Variants in TSPAN8 observed in about 807,000 individuals in gnomAD.
The protein encoded by TSPAN8 is tetraspanin-8.
In TSPAN8, 21 loss-of-function variants were observed where a neutral mutation model predicts 32.8. The observed-to-expected ratio is 0.64, with a 90% CI of 0.45 to 0.92. The LOEUF is 0.92. TSPAN8 is among the 40% of genes least tolerant of loss of function. The pLI, the probability that TSPAN8 is intolerant of heterozygous loss-of-function variation, is 0.00. For synonymous variants in TSPAN8, 95 were observed against 94.6 expected, an observed-to-expected ratio of 1.00 and a Z score of -0.03; for missense variants, 269 against 281.9, an observed-to-expected ratio of 0.95 and a Z score of 0.33.
chr12:71,125,458 A>C, intron 8 of TSPAN8, 71 bp from the exon 9 acceptor site: 2 of 1,282,058 alleles, frequency 1.6e-6, no homozygotes, highest in Non-Finnish European at 2.2e-6. Flanking sequence ...AATAAACAGA[A>C]AGAACATTAT....
In TSPAN8 at chr12:71,137,910, A is replaced by C. The variant is rs138913867; in HGVS notation, c.444+43T>G. 6,522 of 1,534,322 alleles carry C rather than the reference A, an allele frequency of 4.3e-3. 30 individuals are homozygous for C. The highest frequency in any genetic ancestry group is 4.5e-3 in the Non-Finnish European group (5,088 of 1,125,818). ...GTTAAAAACTAAACAAACACAGAAG[A>C]ACTATGTCCAACTCTTTAAAATGAA... On this transcript the variant is annotated intron_variant, in intron 6 of 8. Transcript: ENST00000247829.
Position 71,157,711 on chromosome 12 carries a change from A to T in TSPAN8, c.-33T>A. ...AAGGATTAGGAATCCAGATGCCGTG[A>T]ATTTAACTATTCGTTACAGGCTTGT... On this transcript the variant is annotated 5_prime_UTR_variant, in exon 2 of 9. Coordinates refer to ENST00000247829, the MANE Select transcript of TSPAN8 (RefSeq NM_004616.3). The T allele has an allele frequency of 6.4e-7, 1 of 1,562,788 alleles. No individual in the cohort carries two copies.
At chr12:71,156,602 A>G (rs1164978408) in intron 2 of TSPAN8, among the ~76,000 whole-genome samples, 1 of 152,210 alleles carries the variant, frequency 6.6e-6, no homozygotes, top group African/African-American at 2.4e-5. Flanking sequence ...TATACAATAA[A>G]GCTGTATTCA....
At chr12:71,156,566 A>G (rs1273111940) in intron 2 of TSPAN8, among the ~76,000 whole-genome samples, 1 of 152,156 alleles carries the variant, frequency 6.6e-6, no homozygotes, top group African/African-American at 2.4e-5. Flanking sequence ...CATTAGCACT[A>G]CTGATCATTG....
At chr12:71,136,040 A>G (rs1871685484) in intron 6 of TSPAN8, among the ~76,000 whole-genome samples, 1 of 151,986 alleles carries the variant, frequency 6.6e-6, no homozygotes, top group Admixed American at 6.6e-5. Flanking sequence ...TTTAAGCACA[A>G]TTTTTACAAG....
chr12:71,132,928 G>A (rs1247983983), intron 6 of TSPAN8, 104 bp from the exon 7 acceptor site: 1 of 1,346,182 alleles, frequency 7.4e-7, no homozygotes, highest in Non-Finnish European at 1.0e-6. Flanking sequence ...AGGTTATTAT[G>A]CTAAAATACC....
At chr12:71,144,313 G>A (rs992864981) in intron 2 of TSPAN8, 100 bp from the exon 3 acceptor site, 4 of 1,005,310 alleles carry the variant, frequency 4.0e-6, no homozygotes, top group South Asian at 2.9e-5. Flanking sequence ...GTTCATCATC[G>A]ACTATACTAT....
chr12:71,144,249 T>C (rs759668976), intron 2 of TSPAN8, 36 bp from the exon 3 acceptor site: 4 of 1,588,446 alleles, frequency 2.5e-6, no homozygotes, highest in Non-Finnish European at 3.4e-6. Context: ...AAGAATACAA[T>C]TAGGATCATA....
At position 71,144,206 on chromosome 12, in the gene TSPAN8, C is replaced by T; in HGVS notation, c.68G>A (p.Gly23Asp). ...TATTGCTAATGCTAGGATCAAGATA[C>T]CACATAGCTGCAGAAAAAAACAAAC... ...FTFNFLFWLC[G>D]ILILALAIWV... is the part of the protein sequence containing the mutation. The change falls in exon 3 of 9, where the codon GGT (glycine) becomes GAT (aspartate). Residue 23 changes from glycine to aspartate, a missense_variant. By Grantham distance (94) the Gly-to-Asp change is moderately conservative. Transcript: ENST00000247829. The T allele has an allele frequency of 6.2e-7, 1 of 1,610,672 alleles. No homozygotes were observed.
At position 71,129,419 on chromosome 12, in the gene TSPAN8, TA is replaced by T. The variant is rs143821581; in HGVS notation, c.577-6del. On this transcript the variant is annotated splice_region_variant and splice_polypyrimidine_tract_variant and intron_variant, in intron 7 of 8. Transcript: ENST00000247829. ...TTTTATGAAAGAAATACAGGTCTGT[TA>T]AAAAAAAAAAACATTAAAAGTTACC... is the stretch of plus-strand genomic sequence containing the variant. 0.02 allele frequency: 26,044 copies of T among 1,305,954 alleles called. 191 individuals carry two copies. The highest frequency in any genetic ancestry group is 0.094 in the African/African-American group (5,937 of 63,468). The allele number at this position is 1,305,954 out of a possible 1,614,324, so 80.9% of individuals were successfully genotyped here.
At chr12:71,132,379 AAG>A (rs1364850289) in intron 7 of TSPAN8, among the ~76,000 whole-genome samples, 1 of 152,206 alleles carries the variant, frequency 6.6e-6, no homozygotes, top group East Asian at 1.9e-4. Context: ...GAAAAAATAA[AAG>A]AGAATAATGA....
chr12:71,138,187 G>T lies in TSPAN8; in HGVS notation c.305C>A (p.Thr102Lys). Reference protein sequence around the residue: ...LLLILLLQVATGILGAVFKSK... With the variant: ...LLLILLLQVAKGILGAVFKSK... ...TTTGAAAACAGCTCCTAGGATACCT[G>T]TCGCCACCTGCAGGAGCAGGATCAG... Residue 102 changes from threonine to lysine, a missense_variant, in exon 5 of 9, where the codon ACA becomes AAA. Coordinates refer to ENST00000247829, the MANE Select transcript of TSPAN8 (RefSeq NM_004616.3). The T allele has an allele frequency of 6.2e-7, 1 of 1,613,986 alleles. No individual in the cohort carries two copies.
At chr12:71,154,715 T>C (rs961553751) in intron 2 of TSPAN8, among the ~76,000 whole-genome samples, 2 of 152,242 alleles carry the variant, frequency 1.3e-5, no homozygotes, top group Non-Finnish European at 2.9e-5. Flanking sequence ...TTTTGGTTTG[T>C]TTAAATGTGC....
At chr12:71,138,613 C>T (rs898566389) in intron 4 of TSPAN8, among the ~76,000 whole-genome samples, 3 of 152,206 alleles carry the variant, frequency 2.0e-5, no homozygotes, top group Admixed American at 2.0e-4. Context: ...ATCTCCACTA[C>T]ATTCAGAATC....
chr12:71,135,534 G>GGGGAAA (rs1391854583), intron 6 of TSPAN8, among the ~76,000 whole-genome samples: 2 of 150,086 alleles, frequency 1.3e-5, no homozygotes, highest in Non-Finnish European at 3.0e-5. Flanking sequence ...AGAAGGGGAA[G>GGGGAAA]GAGAAGGAAA....
In TSPAN8 at chr12:71,154,722, G is replaced by A. The variant is rs192860432; in HGVS notation, c.60+2897C>T. Among the ~76,000 whole-genome samples the A allele has an allele frequency of 1.2e-4, 18 of 152,268 alleles. No individual in the cohort carries two copies. In the East Asian group the frequency reaches 3.5e-3, roughly 29 times the overall value. On this transcript the variant is annotated intron_variant, in intron 2 of 8. Coordinates refer to ENST00000247829, the MANE Select transcript of TSPAN8 (RefSeq NM_004616.3). ...TATTAATATTTTGGTTTGTTTAAAT[G>A]TGCCATATATATTCTGTATTACATA...
intron 8 of TSPAN8, 111 bp downstream of exon 8, chr12:71,129,220 A>C: frequency 8.4e-7 from 1 of 1,194,864 alleles, no homozygotes; most frequent in Non-Finnish European, 1.1e-6. Flanking sequence ...TGCGTTTTTT[A>C]TGGTTGTTGT....
chr12:71,127,702 G>C (rs1379884308), intron 8 of TSPAN8, among the ~76,000 whole-genome samples: 1 of 152,046 alleles, frequency 6.6e-6, no homozygotes, highest in Non-Finnish European at 1.5e-5. Context: ...TAATCTTTTT[G>C]TAATCTTATT....
intron 2 of TSPAN8, among the ~76,000 whole-genome samples, chr12:71,149,609 G>C (rs534990544): frequency 6.6e-6 from 1 of 152,172 alleles, no homozygotes; most frequent in African/African-American, 2.4e-5. Context: ...CCGCGGCAGC[G>C]GAACATAAAT....
Sources: gnomAD v4.1 joint callset for allele counts (sites outside exome capture counted in the v4.1 genomes callset) on GRCh38, gnomAD v4.1.1 for gene constraint, MANE v1.5 for transcripts, NCBI Gene and HGNC (gene_info 2026-07-23, HGNC 2026-07-21) for gene names.